Variants in SLC22A25 observed in about 807,000 individuals in gnomAD.
SLC22A25 encodes the protein solute carrier family 22 member 25, also known as MGI:2442751, MGI:2385316, MGI:3042283, MGI:3645714, MGI:3605624, MGI:2442750.
In SLC22A25, 44 loss-of-function variants were observed where a neutral mutation model predicts 45.9. The observed-to-expected ratio is 0.96, with a 90% CI of 0.75 to 1.23. The LOEUF (loss-of-function observed/expected upper bound fraction) is 1.23. SLC22A25 is among the 50% of genes most tolerant of loss of function. SLC22A25 has a pLI of 0.00. For missense variants in SLC22A25, 800 were observed against 666.4 expected (o/e 1.20, Z -2.21); for synonymous variants, 283 against 238.6 (o/e 1.19, Z -1.72).
intron 9 of SLC22A25, among the ~76,000 whole-genome samples, chr11:63,177,840 T>TATATATATATAATATATATATATA (rs2088154068): frequency 1.6e-5 from 1 of 61,410 alleles, no homozygotes; most frequent in African/African-American, 5.7e-5. Context: ...ATATAATGTG[T>TATATATATATAATATATATATATA]ATATATATAT....
chr11:63,220,579 G>A (rs948657925), intron 5 of SLC22A25, among the ~76,000 whole-genome samples: 1 of 152,110 alleles, frequency 6.6e-6, no homozygotes, highest in East Asian at 1.9e-4. Context: ...GGTAAATGGG[G>A]CACCCATCAC....
intron 7 of SLC22A25, among the ~76,000 whole-genome samples, chr11:63,195,104 C>T (rs1590839959): frequency 1.3e-5 from 2 of 152,036 alleles, no homozygotes; most frequent in Admixed American, 6.6e-5. Flanking sequence ...ATTCATAAAG[C>T]TAGTCCTTAG....
At position 63,228,469 on chromosome 11, in the gene SLC22A25, C is replaced by G; in HGVS notation, c.498G>C (p.Leu166Phe). 1.2e-6 allele frequency: 2 copies of G among 1,611,178 alleles called. No homozygotes were observed. The highest frequency in any genetic ancestry group is 1.1e-5 in the South Asian group (1 of 90,940). Reference protein sequence around the residue: ...MMVGGNLYGHLSDRFGRKFVL... With the variant: ...MMVGGNLYGHFSDRFGRKFVL... Reference sequence around the variant, plus strand: ...GCTCCATAGACACTCACCTGTCTGACAAATGGCCATATAGGTTGCCTCCCA... The same window carrying G: ...GCTCCATAGACACTCACCTGTCTGAGAAATGGCCATATAGGTTGCCTCCCA... The change falls in exon 5 of 12, where the codon TTG becomes TTC. Residue 166 changes from leucine (L) to phenylalanine (F), a missense_variant. Leu to Phe is a conservative substitution (Grantham distance 22). Transcript: ENST00000306494.
chr11:63,219,715 C>T (rs540629942), intron 5 of SLC22A25, among the ~76,000 whole-genome samples: 1 of 152,196 alleles, frequency 6.6e-6, no homozygotes, highest in East Asian at 1.9e-4. Flanking sequence ...TACCTTGCCC[C>T]GTCAACTTCA....
chr11:63,202,370 C>T (rs1452347356), intron 7 of SLC22A25, among the ~76,000 whole-genome samples: 1 of 152,126 alleles, frequency 6.6e-6, no homozygotes, highest in Non-Finnish European at 1.5e-5. Flanking sequence ...TAGATCCCAC[C>T]CCCATGGAGC....
chr11:63,227,758 C>G (rs1286330767), intron 5 of SLC22A25, among the ~76,000 whole-genome samples: 1 of 152,234 alleles, frequency 6.6e-6, no homozygotes, highest in Non-Finnish European at 1.5e-5. Flanking sequence ...CACAGTCTTT[C>G]AAGTTTGTTT....
chr11:63,205,401 C>G (rs776464715), intron 7 of SLC22A25, among the ~76,000 whole-genome samples: 10 of 151,334 alleles, frequency 6.6e-5, no homozygotes, highest in African/African-American at 2.4e-4. Flanking sequence ...CAAAATAGAC[C>G]GCTAGCAGGA....
At position 63,164,604 on chromosome 11, in the gene SLC22A25, G is replaced by T. The variant is rs771417183; in HGVS notation, c.1316C>A (p.Thr439Asn). ...EMQTLRVVLATLGVGAASLGI... is the reference protein window; with the variant it reads ...EMQTLRVVLANLGVGAASLGI... ...AAGAGAAGCAGCTCCCACACCCAGG[G>T]TTGCCAAAACCACACGCAGGGTCTG... Residue 439 changes from threonine (T) to asparagine (N), a missense_variant, in exon 11 of 12, where the codon ACC becomes AAC. Coordinates refer to ENST00000306494, the MANE Select transcript of SLC22A25 (RefSeq NM_199352.6). The T allele has an allele frequency of 1.9e-6, 3 of 1,613,784 alleles. No homozygotes were observed. Among genetic ancestry groups the T allele is most frequent in the Non-Finnish European group, 2.5e-6 (3 of 1,179,794 alleles).
chr11:63,218,344 A>G (rs1376733289), intron 5 of SLC22A25: 1 of 241,070 alleles, frequency 4.1e-6, no homozygotes, highest in Non-Finnish European at 8.2e-6. Flanking sequence ...GCTGGGGACT[A>G]CAAGAGTTGG....
intron 9 of SLC22A25, among the ~76,000 whole-genome samples, chr11:63,174,783 G>C (rs1193211484): frequency 6.6e-6 from 1 of 152,036 alleles, no homozygotes; most frequent in African/African-American, 2.4e-5. Flanking sequence ...CATTAAATGG[G>C]AACTTCCTAT....
chr11:63,228,602 C>T (rs1195731905), intron 4 of SLC22A25, 38 bp from the exon 5 acceptor site: 4 of 1,456,124 alleles, frequency 2.7e-6, no homozygotes, highest in South Asian at 1.2e-5. Flanking sequence ...ATGCTTATAG[C>T]CCCTCAGTGT....
At position 63,217,468 on chromosome 11, in the gene SLC22A25, T is replaced by A; in HGVS notation, c.676A>T (p.Thr226Ser). 2 of 1,613,962 alleles carry A rather than the reference T, an allele frequency of 1.2e-6. No individual in the cohort carries two copies. Among genetic ancestry groups the A allele is most frequent in the Non-Finnish European group, 1.7e-6 (2 of 1,179,978 alleles). Reference sequence around the variant, plus strand: ...AATGCCATGGCACAGAATTGGTGAGTTATCCACTCTACAACTGAAAGAAAA... The same window carrying A: ...AATGCCATGGCACAGAATTGGTGAGATATCCACTCTACAACTGAAAGAAAA... Reference protein sequence around the residue: ...NTVLLIVEWITHQFCAMALTL... With the variant: ...NTVLLIVEWISHQFCAMALTL... The change falls in exon 7 of 12, where the codon ACT becomes TCT. Residue 226 changes from threonine (T) to serine (S), a missense_variant. Thr to Ser is a moderately conservative substitution (Grantham distance 58). Coordinates refer to ENST00000306494, the MANE Select transcript of SLC22A25 (RefSeq NM_199352.6).
intron 7 of SLC22A25, among the ~76,000 whole-genome samples, chr11:63,204,049 A>G (rs1467433795): frequency 6.6e-6 from 1 of 152,224 alleles, no homozygotes; most frequent in Non-Finnish European, 1.5e-5. Context: ...TTTCATATCC[A>G]GCCAAACTAA....
chr11:63,213,652 C>G (rs542395121), intron 7 of SLC22A25, among the ~76,000 whole-genome samples: 3 of 152,152 alleles, frequency 2.0e-5, no homozygotes, highest in African/African-American at 4.8e-5. Flanking sequence ...ACACTAGAGA[C>G]TATAAATACC....
chr11:63,166,783 T>C, intron 9 of SLC22A25: 5 of 984,998 alleles, frequency 5.1e-6, no homozygotes, highest in Non-Finnish European at 4.8e-6. Flanking sequence ...CAAATCTAGA[T>C]TAGAATAAGA....
Position 63,163,820 on chromosome 11 carries a change from A to G in SLC22A25, c.*4T>C. On this transcript the variant is annotated 3_prime_UTR_variant, in exon 12 of 12. Transcript: ENST00000306494. ...AATGGTGTTTTGCTTTCCTCAGCAC[A>G]GACCTATAGCACAGAGCTCCTCTGA... 6.2e-7 allele frequency: 1 copy of G among 1,610,434 alleles called. No individual in the cohort carries two copies. The highest frequency in any genetic ancestry group is 2.2e-5 in the East Asian group (1 of 44,858).
intron 7 of SLC22A25, among the ~76,000 whole-genome samples, chr11:63,186,230 A>T (rs77377216): frequency 7.9e-5 from 10 of 126,928 alleles, no homozygotes; most frequent in Non-Finnish European, 1.2e-4. Context: ...TTTAATGATC[A>T]CCATTCTAAC....
rs928062218 is a variant in SLC22A25 at position 63,161,056 on chromosome 11, A to G, written c.*2768T>C. On this transcript the variant is annotated 3_prime_UTR_variant, in exon 12 of 12. Coordinates refer to ENST00000306494, the MANE Select transcript of SLC22A25 (RefSeq NM_199352.6). ...GAGACTGGATAATTTATAAAGAAAAAAGGTTTAATGGACTCACAGCTCCAT... is the reference window on the plus strand; with the variant it reads ...GAGACTGGATAATTTATAAAGAAAAGAGGTTTAATGGACTCACAGCTCCAT... Among the ~76,000 whole-genome samples the G allele has an allele frequency of 3.3e-5, 5 of 152,142 alleles. No individual in the cohort carries two copies. The highest frequency in any genetic ancestry group is 1.2e-4 in the African/African-American group (5 of 41,432).
chr11:63,234,433 T>C (rs1308165975), intron 3 of SLC22A25, among the ~76,000 whole-genome samples: 6 of 152,200 alleles, frequency 3.9e-5, no homozygotes, highest in Non-Finnish European at 8.8e-5. Flanking sequence ...GTTTAAAGTC[T>C]GTTTTATCAG....
Sources: allele counts gnomAD v4.1 joint callset (sites outside exome capture counted in the v4.1 genomes callset), GRCh38; gene constraint gnomAD v4.1.1; transcripts MANE v1.5; gene names NCBI Gene and HGNC (gene_info 2026-07-23, HGNC 2026-07-21).